The following CYP19A1 variants were observed in gnomAD, a reference collection of about 807,000 sequenced individuals.
The protein encoded by CYP19A1 is aromatase.
CYP19A1 carries 32 observed loss-of-function variants against 44.4 expected under a neutral mutation model. That is an observed-to-expected ratio of 0.72 (90% CI 0.54 to 0.97). The LOEUF (loss-of-function observed/expected upper bound fraction) is 0.97. Among genes scored for constraint, CYP19A1 ranks in the 50% least tolerant of loss-of-function variants. The pLI is 0.00. For missense variants in CYP19A1, 598 were observed against 637.8 expected (o/e 0.94, Z 0.67); for synonymous variants, 212 against 215.6 (o/e 0.98, Z 0.14).
At chr15:51,234,890 C>T (rs150484460) in intron 3 of CYP19A1, among the ~76,000 whole-genome samples, 2 of 152,146 alleles carry the variant, frequency 1.3e-5, no homozygotes, top group East Asian at 1.9e-4. Flanking sequence ...GTGAGAGGCA[C>T]GGCACTGTGC....
At chr15:51,217,351 T>C (rs1338998669) in intron 6 of CYP19A1, among the ~76,000 whole-genome samples, 1 of 152,214 alleles carries the variant, frequency 6.6e-6, no homozygotes, top group Non-Finnish European at 1.5e-5. Context: ...CTGAGAACTA[T>C]GTAATGAACT....
intron 1 of CYP19A1, among the ~76,000 whole-genome samples, chr15:51,249,025 C>T (rs529866111): frequency 1.3e-5 from 2 of 151,900 alleles, no homozygotes; most frequent in African/African-American, 2.4e-5. Flanking sequence ...CTGCAACCTC[C>T]GCCTCCCAGG....
intron 3 of CYP19A1, among the ~76,000 whole-genome samples, chr15:51,232,442 GT>G (rs1488041180): frequency 6.6e-6 from 1 of 152,040 alleles, no homozygotes; most frequent in Admixed American, 6.5e-5. Flanking sequence ...TCTGTTGCTA[GT>G]TTCTGACCTA....
chr15:51,333,426 G>A (rs547415032), intron 1 of CYP19A1, among the ~76,000 whole-genome samples: 1 of 152,270 alleles, frequency 6.6e-6, no homozygotes, highest in East Asian at 1.9e-4. Context: ...CATCTGCCAG[G>A]ATACTCACTG....
rs1228621262 is a variant in CYP19A1, at chr15:51,210,264, A to G, written c.*544T>C. Reference sequence around the variant, plus strand: ...AATTAATTGGGCTTAATTCACAGCAAGGGTCAAATGCTGAATTTCTAAGCA... The same window carrying G: ...AATTAATTGGGCTTAATTCACAGCAGGGGTCAAATGCTGAATTTCTAAGCA... On this transcript the variant is annotated 3_prime_UTR_variant, in exon 10 of 10. Transcript: ENST00000396402. 1 of 445,288 alleles carries G rather than the reference A, an allele frequency of 2.2e-6. No individual in the cohort carries two copies. Among genetic ancestry groups the G allele is most frequent in the East Asian group, 6.7e-5 (1 of 15,002 alleles). 27.6% of individuals were successfully genotyped at this position (445,288 alleles called of 1,614,324 possible).
In CYP19A1 at chr15:51,212,315, C is replaced by T. The variant is rs764949820; in HGVS notation, c.1263+5G>A. On this transcript the variant is annotated splice_donor_5th_base_variant and intron_variant, in intron 9 of 9. Coordinates refer to ENST00000396402, the MANE Select transcript of CYP19A1 (RefSeq NM_000103.4). ...GCACACTCAGTTTTAAGGAAGGGCT[C>T]TTACATTCTTTGCAAAATTTTCAAG... is the stretch of plus-strand genomic sequence containing the variant. 1 of 1,590,398 alleles carries T rather than the reference C, an allele frequency of 6.3e-7. No homozygotes were observed.
At chr15:51,262,558 GT>G (rs1050456774) in intron 1 of CYP19A1, among the ~76,000 whole-genome samples, 17 of 152,232 alleles carry the variant, frequency 1.1e-4, no homozygotes, top group African/African-American at 3.9e-4. Context: ...ACTGCTGACA[GT>G]TAGTCTTCCA....
chr15:51,277,294 G>T (rs950875028), intron 1 of CYP19A1: 2 of 151,962 alleles, frequency 1.3e-5, no homozygotes, highest in East Asian at 3.8e-4. Flanking sequence ...TTATAATTAC[G>T]CAATCTTTAT....
intron 1 of CYP19A1, among the ~76,000 whole-genome samples, chr15:51,296,817 T>C (rs916625735): frequency 1.3e-5 from 2 of 152,208 alleles, no homozygotes; most frequent in Non-Finnish European, 2.9e-5. Context: ...AAATAAATTA[T>C]TGGGGAGCAA....
chr15:51,328,547 G>GGGGT (rs1555400229), intron 1 of CYP19A1, among the ~76,000 whole-genome samples: 1 of 147,318 alleles, frequency 6.8e-6, no homozygotes, highest in Non-Finnish European at 1.5e-5. Flanking sequence ...ACAGGGCAGG[G>GGGGT]GTGTGTGTGT....
intron 1 of CYP19A1, among the ~76,000 whole-genome samples, chr15:51,281,967 A>G (rs544534236): frequency 9.2e-5 from 14 of 152,360 alleles, no homozygotes; most frequent in African/African-American, 3.4e-4. Flanking sequence ...AATTAGAGGT[A>G]GAAAAGGCAA....
chr15:51,274,478 G>C (rs2035235491), intron 1 of CYP19A1, among the ~76,000 whole-genome samples: 1 of 152,188 alleles, frequency 6.6e-6, no homozygotes, highest in Non-Finnish European at 1.5e-5. Flanking sequence ...AGTGTAACAG[G>C]TGAAGAGCTC....
chr15:51,238,203 T>C (rs1046613681), intron 2 of CYP19A1, among the ~76,000 whole-genome samples: 1 of 152,252 alleles, frequency 6.6e-6, no homozygotes, highest in Non-Finnish European at 1.5e-5. Flanking sequence ...AGGTTATTAA[T>C]CTTGTGATTA....
intron 1 of CYP19A1, among the ~76,000 whole-genome samples, chr15:51,245,149 G>A (rs376080373): frequency 1.1e-4 from 17 of 152,186 alleles, no homozygotes; most frequent in East Asian, 5.8e-4. Context: ...TGCTTTGCAC[G>A]GTTTTAGCTT....
At chr15:51,293,921 C>CTT (rs2035909185) in intron 1 of CYP19A1, 1 of 213,722 alleles carries the variant, frequency 4.7e-6, no homozygotes, top group Admixed American at 5.9e-5. Context: ...CTCCACCTCC[C>CTT]AGCCGCCTGC....
intron 5 of CYP19A1, among the ~76,000 whole-genome samples, chr15:51,220,169 TTGTGGCCTCACTAAATTCGAGCTA>T (rs1278725832): frequency 2.0e-5 from 3 of 152,226 alleles, no homozygotes; most frequent in African/African-American, 7.2e-5. Context: ...TGCCTGTGGC[TTGTGGCCTCACTAAATTCGAGCTA>T]TGGTCAAATG....
At chr15:51,246,637 C>A (rs1173615808) in intron 1 of CYP19A1, among the ~76,000 whole-genome samples, 3 of 152,230 alleles carry the variant, frequency 2.0e-5, no homozygotes, top group African/African-American at 7.2e-5. Flanking sequence ...TGAACACATT[C>A]AGGGTCCCAC....
At chr15:51,259,853 C>T (rs1474384948) in intron 1 of CYP19A1, among the ~76,000 whole-genome samples, 1 of 152,172 alleles carries the variant, frequency 6.6e-6, no homozygotes, top group Admixed American at 6.5e-5. Context: ...ATGATTCATC[C>T]ATTTACCAGC....
intron 1 of CYP19A1, among the ~76,000 whole-genome samples, chr15:51,267,081 G>A (rs1394492888): frequency 6.6e-6 from 1 of 152,210 alleles, no homozygotes; most frequent in Non-Finnish European, 1.5e-5. Flanking sequence ...GCTCTGGAGA[G>A]CAAAGCTGCC....
Sources: gnomAD v4.1 joint callset for allele counts (sites outside exome capture counted in the v4.1 genomes callset) on GRCh38, gnomAD v4.1.1 for gene constraint, MANE v1.5 for transcripts, NCBI Gene and HGNC (gene_info 2026-07-23, HGNC 2026-07-21) for gene names.